Variants in RAB3B observed in about 807,000 individuals in gnomAD.
RAB3B encodes the protein RAB3B, member RAS oncogene family, also known as ras-related protein Rab-3B.
RAB3B carries 11 observed loss-of-function variants against 20.5 expected under a neutral mutation model. That is an observed-to-expected ratio of 0.54 (90% CI 0.34 to 0.89). The LOEUF is 0.89. Among genes scored for constraint, RAB3B ranks in the 40% least tolerant of loss-of-function variants. The pLI, the probability that RAB3B is intolerant of heterozygous loss-of-function variation, is 0.02. For missense variants in RAB3B, 225 were observed against 280.9 expected (o/e 0.80, Z 1.42); for synonymous variants, 99 against 106.3 (o/e 0.93, Z 0.42).
chr1:51,937,047 C>T (rs563347446), intron 3 of RAB3B, among the ~76,000 whole-genome samples: 3 of 152,124 alleles, frequency 2.0e-5, no homozygotes, highest in East Asian at 1.9e-4. Context: ...CTCCTGACCT[C>T]GGGTGATCTG....
chr1:51,988,727 G>C (rs546821180), intron 1 of RAB3B, among the ~76,000 whole-genome samples: 1 of 152,180 alleles, frequency 6.6e-6, no homozygotes, highest in South Asian at 2.1e-4. Context: ...ATACTTTAGG[G>C]AGATGGAGAG....
At chr1:51,967,474 G>A (rs1357910998) in intron 2 of RAB3B, among the ~76,000 whole-genome samples, 1 of 148,266 alleles carries the variant, frequency 6.7e-6, no homozygotes, top group East Asian at 2.0e-4. Flanking sequence ...CTTAAAGGAT[G>A]AGGGAATTTA....
chr1:51,912,551 A>AT lies in RAB3B; in HGVS notation c.*7375_*7376insA, dbSNP rs2124215371. 2 of 15,812 alleles carry AT rather than the reference A, an allele frequency of 1.3e-4. No homozygotes were observed. Among genetic ancestry groups the AT allele is most frequent in the Non-Finnish European group, 2.8e-4 (2 of 7,262 alleles). The allele number at this position is 15,812 out of a possible 1,614,324, so 1.0% of individuals were successfully genotyped here. ...GCAAGACCGTCTCTATTAAAAAAAA[A>AT]AAAATATATATATATATATATATAT... On this transcript the variant is annotated 3_prime_UTR_variant, in exon 5 of 5. Coordinates refer to ENST00000371655, the MANE Select transcript of RAB3B (RefSeq NM_002867.4).
At chr1:51,975,129 G>A (rs191500184) in intron 2 of RAB3B, among the ~76,000 whole-genome samples, 3 of 152,292 alleles carry the variant, frequency 2.0e-5, no homozygotes, top group Non-Finnish European at 2.9e-5. Flanking sequence ...CAACAGAATC[G>A]ATTGAACCCA....
rs1684050816 is a variant in RAB3B, at chr1:51,914,328, C to T, written c.*5599G>A. On this transcript the variant is annotated 3_prime_UTR_variant, in exon 5 of 5. Transcript: ENST00000371655. ...AGTGGGTAGCAGAGATATTTGGGAG[C>T]AGTAGACTCTTCCAAGAGCCCCTGA... is the stretch of plus-strand genomic sequence containing the variant. The T allele has an allele frequency of 6.6e-6, 1 of 152,162 alleles. No individual in the cohort carries two copies. The highest frequency in any genetic ancestry group is 1.5e-5 in the Non-Finnish European group (1 of 68,040). 9.4% of individuals were successfully genotyped at this position (152,162 alleles called of 1,614,324 possible).
intron 4 of RAB3B, among the ~76,000 whole-genome samples, chr1:51,929,330 C>CT (rs956055193): frequency 7.9e-5 from 12 of 151,242 alleles, no homozygotes; most frequent in Non-Finnish European, 1.2e-4. Flanking sequence ...CATTCTCTCC[C>CT]TTTTTTTTTC....
At chr1:51,937,530 T>C in intron 2 of RAB3B, 118 bp from the exon 3 acceptor site, 1 of 591,968 alleles carries the variant, frequency 1.7e-6, no homozygotes, top group Non-Finnish European at 2.8e-6. Flanking sequence ...GGAGTTTTGC[T>C]CTTGTTGCCC....
rs1264459861 is a variant in RAB3B, at chr1:51,908,869, TCA to T, written c.*11056_*11057del. The T allele has an allele frequency of 1.3e-5, 2 of 152,174 alleles. No individual in the cohort carries two copies. Among genetic ancestry groups the T allele is most frequent in the Non-Finnish European group, 2.9e-5 (2 of 68,084 alleles). 9.4% of individuals were successfully genotyped at this position (152,174 alleles called of 1,614,324 possible). The stretch of plus-strand genomic sequence containing the variant: ...TGTACTGGAAATAATAAAACCCACA[TCA>T]CAGTGTTGTGTCAAAGATCATCAGG... On this transcript the variant is annotated 3_prime_UTR_variant, in exon 5 of 5. Transcript: ENST00000371655.
At chr1:51,936,040 G>A (rs1218925156) in intron 3 of RAB3B, among the ~76,000 whole-genome samples, 1 of 152,160 alleles carries the variant, frequency 6.6e-6, no homozygotes, top group Non-Finnish European at 1.5e-5. Context: ...ACACAATTAT[G>A]ACAACTGCTC....
Position 51,936,818 on chromosome 1 carries a change from C to CT in RAB3B, c.347+475dup, listed in dbSNP as rs113857417. On this transcript the variant is annotated intron_variant, in intron 3 of 4. Coordinates refer to ENST00000371655, the MANE Select transcript of RAB3B (RefSeq NM_002867.4). ...GCACACATTTTCTTTTCTTTTCTTT[C>CT]TTTTTTTTTTTTTAAGATAGAGTCT... Among the ~76,000 whole-genome samples the CT allele has an allele frequency of 4.1e-3, 599 of 144,738 alleles. 2 individuals are homozygous for CT. Among genetic ancestry groups the CT allele is most frequent in the African/African-American group, 0.013 (521 of 39,718 alleles). 95.0% of individuals were successfully genotyped at this position (144,738 alleles called of 152,430 possible). A position where few individuals can be genotyped will look rare whatever the true frequency, so the allele number is the denominator to read the frequency against.
chr1:51,988,958 A>G lies in RAB3B; in HGVS notation c.-1+1594T>C, dbSNP rs986302825. On this transcript the variant is annotated intron_variant, in intron 1 of 4. Coordinates refer to ENST00000371655, the MANE Select transcript of RAB3B (RefSeq NM_002867.4). The stretch of plus-strand genomic sequence containing the variant: ...CTTCATGACCAGGAAGGCTTCCCCA[A>G]CCCACCCACCTCCCCCAAAATGCTT... Among the ~76,000 whole-genome samples the G allele has an allele frequency of 9.9e-5, 15 of 151,242 alleles. 1 individual carries two copies. Among genetic ancestry groups the G allele is most frequent in the African/African-American group, 3.2e-4 (13 of 41,152 alleles).
intron 2 of RAB3B, among the ~76,000 whole-genome samples, chr1:51,948,751 T>C (rs956651500): frequency 2.0e-5 from 3 of 152,332 alleles, no homozygotes; most frequent in African/African-American, 7.2e-5. Context: ...AGCTTCTCCT[T>C]TGTACCACTC....
chr1:51,947,310 C>A (rs1684578527), intron 2 of RAB3B, among the ~76,000 whole-genome samples: 1 of 151,892 alleles, frequency 6.6e-6, no homozygotes, highest in Non-Finnish European at 1.5e-5. Flanking sequence ...GTGGGAGGAT[C>A]ACTTGAGGCC....
chr1:51,985,728 G>T (rs1762865), intron 1 of RAB3B, among the ~76,000 whole-genome samples: 5,463 of 152,018 alleles, frequency 0.036, 122 homozygotes, highest in Non-Finnish European at 0.043. Context: ...GCCTCGTGTA[G>T]AATCAGTGAG....
intron 4 of RAB3B, among the ~76,000 whole-genome samples, chr1:51,930,963 G>A (rs996702921): frequency 3.9e-5 from 6 of 151,990 alleles, no homozygotes; most frequent in Middle Eastern, 3.2e-3. Context: ...GTTGCAGTAA[G>A]CCGAGATCGC....
intron 2 of RAB3B, among the ~76,000 whole-genome samples, chr1:51,974,099 A>T (rs1571978318): frequency 1.3e-5 from 2 of 152,152 alleles, no homozygotes; most frequent in East Asian, 3.8e-4. Flanking sequence ...CCTCTCCAGC[A>T]AATTTCTCTC....
intron 2 of RAB3B, among the ~76,000 whole-genome samples, chr1:51,938,856 T>C (rs1684450651): frequency 6.6e-6 from 1 of 151,944 alleles, no homozygotes; most frequent in Admixed American, 6.6e-5. Context: ...AGATGACGTT[T>C]TACCATGTTG....
intron 1 of RAB3B, among the ~76,000 whole-genome samples, chr1:51,989,103 G>GCACACACGCACACACACA (rs1685187515): frequency 1.5e-5 from 2 of 132,676 alleles, no homozygotes; most frequent in Admixed American, 7.3e-5. Flanking sequence ...CTGTGCGCGC[G>GCACACACGCACACACACA]CACACACACA....
intron 2 of RAB3B, among the ~76,000 whole-genome samples, chr1:51,970,091 C>CAAAA (rs1272412346): frequency 2.7e-4 from 40 of 149,568 alleles, no homozygotes; most frequent in African/African-American, 9.1e-4. Flanking sequence ...ACCCAAAAAA[C>CAAAA]AAAAAACAAA....
Sources: allele counts gnomAD v4.1 joint callset (sites outside exome capture counted in the v4.1 genomes callset), GRCh38; gene constraint gnomAD v4.1.1; transcripts MANE v1.5; gene names NCBI Gene and HGNC (gene_info 2026-07-23, HGNC 2026-07-21).